The following GNA14 variants were observed in gnomAD, a reference collection of about 807,000 sequenced individuals.
The protein encoded by GNA14 is guanine nucleotide-binding protein subunit alpha-14.
In GNA14, 50 loss-of-function variants were observed where a neutral mutation model predicts 42.0. That is an observed-to-expected ratio of 1.19 (90% CI 0.95 to 1.51). The LOEUF is 1.51. Ranked by LOEUF, GNA14 falls within the 40% of genes most tolerant of loss-of-function variation. The probability of loss-of-function intolerance (pLI) is 0.00; values close to 1 mark genes in which losing one functional copy is unlikely to be tolerated. For synonymous variants in GNA14, 173 were observed against 163.1 expected (o/e 1.06, Z -0.46); for missense variants, 473 against 446.2 (o/e 1.06, Z -0.54).
intron 2 of GNA14, among the ~76,000 whole-genome samples, chr9:77,500,933 G>A (rs1443551513): frequency 6.6e-6 from 1 of 152,032 alleles, no homozygotes; most frequent in Non-Finnish European, 1.5e-5. Context: ...ATGGCCAGGA[G>A]TAGCTGGGTT....
intron 1 of GNA14, among the ~76,000 whole-genome samples, chr9:77,639,578 T>C (rs1824227907): frequency 6.6e-6 from 1 of 152,170 alleles, no homozygotes; most frequent in South Asian, 2.1e-4. Flanking sequence ...GTGCAGAAGA[T>C]GGTCACAGGT....
At chr9:77,542,471 C>T (rs1200713788) in intron 1 of GNA14, among the ~76,000 whole-genome samples, 2 of 152,170 alleles carry the variant, frequency 1.3e-5, no homozygotes, top group East Asian at 3.9e-4. Context: ...TATATGTTGG[C>T]TCTGGTGTTA....
intron 1 of GNA14, among the ~76,000 whole-genome samples, chr9:77,575,902 G>C (rs999084679): frequency 6.6e-6 from 1 of 152,172 alleles, no homozygotes; most frequent in African/African-American, 2.4e-5. Context: ...TGTCAACACA[G>C]CCATCCCTAA....
intron 5 of GNA14, among the ~76,000 whole-genome samples, chr9:77,427,373 A>C (rs943434653): frequency 3.3e-5 from 5 of 151,746 alleles, no homozygotes; most frequent in Non-Finnish European, 5.9e-5. Context: ...GACAGCCAGC[A>C]TTTCCGTTCT....
chr9:77,475,741 C>A (rs1284841036), intron 2 of GNA14, among the ~76,000 whole-genome samples: 1 of 152,188 alleles, frequency 6.6e-6, no homozygotes, highest in Non-Finnish European at 1.5e-5. Context: ...ACCGGACATG[C>A]ATTCTTGGGT....
intron 1 of GNA14, among the ~76,000 whole-genome samples, chr9:77,638,790 C>T (rs1018799126): frequency 1.3e-5 from 2 of 152,102 alleles, no homozygotes; most frequent in African/African-American, 2.4e-5. Context: ...ACTGCAATAA[C>T]GCAGGTGAAT....
chr9:77,599,183 C>G (rs1018273688), intron 1 of GNA14, among the ~76,000 whole-genome samples: 1 of 152,086 alleles, frequency 6.6e-6, no homozygotes, highest in African/African-American at 2.4e-5. Context: ...AGATTGTTAC[C>G]AGATGTAAAG....
chr9:77,490,669 G>T (rs1383234154), intron 2 of GNA14, among the ~76,000 whole-genome samples: 2 of 152,198 alleles, frequency 1.3e-5, no homozygotes, highest in African/African-American at 4.8e-5. Context: ...CCGGCCGGCC[G>T]CTCCGAGTGC....
chr9:77,470,803 A>G (rs1342241157), intron 2 of GNA14, among the ~76,000 whole-genome samples: 2 of 152,096 alleles, frequency 1.3e-5, no homozygotes, highest in African/African-American at 2.4e-5. Flanking sequence ...GCAGAAAGAG[A>G]AGGGGAAGCA....
chr9:77,439,660 C>T (rs554059892), intron 2 of GNA14, among the ~76,000 whole-genome samples: 23 of 152,200 alleles, frequency 1.5e-4, no homozygotes, highest in Non-Finnish European at 2.6e-4. Flanking sequence ...ATGATGATGA[C>T]CCAAAAGAGT....
chr9:77,457,884 T>C (rs1022529414), intron 2 of GNA14, among the ~76,000 whole-genome samples: 1 of 152,148 alleles, frequency 6.6e-6, no homozygotes, highest in Admixed American at 6.5e-5. Context: ...TCTGCTTTTT[T>C]TTTTCTTTTT....
In GNA14 at chr9:77,448,565, G is replaced by A. The variant is rs116097274; in HGVS notation, c.310-14043C>T. ...TTTTGATATTTTCCATTTAATTTAT[G>A]ATGGGTTTATCAGGACATGATCCCA... On this transcript the variant is annotated intron_variant, in intron 2 of 6. Transcript: ENST00000341700. Among the ~76,000 whole-genome samples, 1,206 of 152,214 alleles carry A rather than the reference G, an allele frequency of 7.9e-3. 17 individuals are homozygous for A. The highest frequency in any genetic ancestry group is 0.027 in the African/African-American group (1,103 of 41,528).
At chr9:77,617,715 C>G (rs1823846353) in intron 1 of GNA14, among the ~76,000 whole-genome samples, 1 of 152,092 alleles carries the variant, frequency 6.6e-6, no homozygotes, top group Non-Finnish European at 1.5e-5. Context: ...ATCACTCTCT[C>G]TCTTGCTCAA....
chr9:77,546,622 C>T (rs1564050507), intron 1 of GNA14, among the ~76,000 whole-genome samples: 2 of 152,172 alleles, frequency 1.3e-5, no homozygotes, highest in Non-Finnish European at 2.9e-5. Context: ...AGGCCAAAAG[C>T]CCTTTGAGCC....
At chr9:77,456,139 T>TA (rs1835995581) in intron 2 of GNA14, among the ~76,000 whole-genome samples, 1 of 152,092 alleles carries the variant, frequency 6.6e-6, no homozygotes, top group Non-Finnish European at 1.5e-5. Flanking sequence ...TAAGATACTT[T>TA]AATACCCTTA....
chr9:77,493,026 A>AAAATATATAT (rs1554691641), intron 2 of GNA14, among the ~76,000 whole-genome samples: 7 of 51,702 alleles, frequency 1.4e-4, no homozygotes, highest in African/African-American at 7.9e-4. Context: ...AAAAAAAAAA[A>AAAATATATAT]ATATATATAT....
chr9:77,466,409 T>G (rs1836227782), intron 2 of GNA14, among the ~76,000 whole-genome samples: 1 of 152,214 alleles, frequency 6.6e-6, no homozygotes, highest in African/African-American at 2.4e-5. Context: ...TCTAGCAAGT[T>G]TTTAAGTTCA....
rs901699735 is a variant in GNA14, at chr9:77,471,640, C to T, written c.310-37118G>A. Among the ~76,000 whole-genome samples, 10 of 152,148 alleles carry T rather than the reference C, an allele frequency of 6.6e-5. No individual in the cohort carries two copies. In the East Asian group the frequency reaches 1.2e-3, roughly 18 times the overall value. Reference sequence around the variant, plus strand: ...ACATGTGTTTGGGGTGCCTGTGATACGTTTTACGGGAGATATTCAGAAGGG... The same window carrying T: ...ACATGTGTTTGGGGTGCCTGTGATATGTTTTACGGGAGATATTCAGAAGGG... On this transcript the variant is annotated intron_variant, in intron 2 of 6. Transcript: ENST00000341700.
chr9:77,473,268 G>A (rs894515364), intron 2 of GNA14, among the ~76,000 whole-genome samples: 1 of 152,216 alleles, frequency 6.6e-6, no homozygotes, highest in Middle Eastern at 3.4e-3. Flanking sequence ...ACCAGCCTGG[G>A]CAACATGGAA....
Sources: gnomAD v4.1 joint callset for allele counts (sites outside exome capture counted in the v4.1 genomes callset) on GRCh38, gnomAD v4.1.1 for gene constraint, MANE v1.5 for transcripts, NCBI Gene and HGNC (gene_info 2026-07-23, HGNC 2026-07-21) for gene names.